KCNN3: variants seen among roughly 807,000 people sequenced by gnomAD.
KCNN3 encodes the protein small conductance calcium-activated potassium channel protein 3.
KCNN3 carries 16 observed loss-of-function variants against 62.9 expected under a neutral mutation model. The ratio of observed to expected loss-of-function variants is 0.25; its 90% confidence interval spans 0.17 to 0.39. The LOEUF is 0.39. Among genes scored for constraint, KCNN3 ranks in the 10% least tolerant of loss-of-function variants. KCNN3 has a pLI of 1.00. For missense variants in KCNN3, 599 were observed against 949.4 expected, an observed-to-expected ratio of 0.63 and a Z score of 4.85; for synonymous variants, 370 against 389.2, an observed-to-expected ratio of 0.95 and a Z score of 0.58.
At position 154,869,237 on chromosome 1, in the gene KCNN3, T is replaced by G; in HGVS notation, c.728A>C (p.His243Pro). Residue 243 changes from histidine (H) to proline (P), a missense_variant, in exon 1 of 8, where the codon CAC becomes CCC. By Grantham distance (77) the His-to-Pro change is moderately conservative. Around this residue, in one of 7 missense-constraint regions of KCNN3, gnomAD observed 80 missense variants for 85.4 expected, o/e 0.94. Transcript: ENST00000271915. The surrounding 1 kb of genome is among the most constrained non-coding windows in gnomAD (Gnocchi z 6.1). ...LLHHPNATHN[H>P]QHAGTTASST... The stretch of plus-strand genomic sequence containing the variant: ...GCTGGCGGTGGTGCCGGCATGCTGG[T>G]GGTTGTGGGTGGCATTAGGGTGATG... 1 of 1,611,864 alleles carries G rather than the reference T, an allele frequency of 6.2e-7. No individual in the cohort carries two copies. The highest frequency in any genetic ancestry group is 8.5e-7 in the Non-Finnish European group (1 of 1,179,162).
chr1:154,845,512 CG>C (rs900824428), intron 1 of KCNN3, among the ~76,000 whole-genome samples: 9 of 152,178 alleles, frequency 5.9e-5, no homozygotes, highest in African/African-American at 2.2e-4. Flanking sequence ...TTTCTCACTG[CG>C]GGGGCCCCAC....
At chr1:154,762,894 T>C (rs985078792) in intron 3 of KCNN3, among the ~76,000 whole-genome samples, 2 of 152,218 alleles carry the variant, frequency 1.3e-5, no homozygotes, top group African/African-American at 2.4e-5. Flanking sequence ...TCCATTACCA[T>C]TTATTGAATA....
rs563462413 is a variant in KCNN3 at position 154,777,649 on chromosome 1, G to A, written c.1030-5256C>T. On this transcript the variant is annotated intron_variant, in intron 2 of 7. Coordinates refer to ENST00000271915, the MANE Select transcript of KCNN3 (RefSeq NM_002249.6). ...GAGTAGCACTGGACCAGAGGGGCTC[G>A]GGGAGTGTGTATGTGGCTCCACAAA... Among the ~76,000 whole-genome samples the A allele has an allele frequency of 4.3e-4, 66 of 152,274 alleles. 1 individual carries two copies. In the South Asian group the frequency reaches 0.013, roughly 30 times the overall value.
intron 2 of KCNN3, among the ~76,000 whole-genome samples, chr1:154,818,437 G>A (rs550569865): frequency 6.6e-5 from 10 of 152,338 alleles, no homozygotes; most frequent in Admixed American, 6.5e-5. Flanking sequence ...TGGGGTTCCT[G>A]CACTAGGTGG....
intron 1 of KCNN3, among the ~76,000 whole-genome samples, chr1:154,860,673 G>A (rs1652734868): frequency 6.6e-6 from 1 of 152,210 alleles, no homozygotes; most frequent in Admixed American, 6.5e-5. Context: ...ATGAGAAAAG[G>A]GGCATGTTCC....
intron 5 of KCNN3, among the ~76,000 whole-genome samples, chr1:154,721,083 T>A (rs1700336441): frequency 6.6e-6 from 1 of 152,128 alleles, no homozygotes; most frequent in Non-Finnish European, 1.5e-5. Flanking sequence ...ATTCATTGAA[T>A]TCATGGGGAA....
chr1:154,787,523 G>C (rs1649334897), intron 2 of KCNN3, among the ~76,000 whole-genome samples: 2 of 152,220 alleles, frequency 1.3e-5, no homozygotes, highest in African/African-American at 2.4e-5. Context: ...TGCTAGAGAT[G>C]CGCAGAAGCA....
At chr1:154,712,906 T>C (rs2101761079) in intron 7 of KCNN3, among the ~76,000 whole-genome samples, 1 of 152,300 alleles carries the variant, frequency 6.6e-6, no homozygotes, top group East Asian at 1.9e-4. Flanking sequence ...GGCTCTCTTT[T>C]TGGGTATCTT....
At position 154,859,539 on chromosome 1, in the gene KCNN3, AC is replaced by A. The variant is rs548607793; in HGVS notation, c.933+9492del. On this transcript the variant is annotated intron_variant, in intron 1 of 7. Transcript: ENST00000271915. ...AAGGAAAACCAACGGTGGCAGATGG[AC>A]CAGAATGAGCAAGGGCAGCCTCTCC... is the stretch of plus-strand genomic sequence containing the variant. Among the ~76,000 whole-genome samples, 44 of 152,332 alleles carry A rather than the reference AC, an allele frequency of 2.9e-4. 2 individuals carry two copies. In the East Asian group the frequency reaches 5.2e-3, roughly 18 times the overall value.
In KCNN3 at chr1:154,862,681, ATC is replaced by A. The variant is rs1424588779; in HGVS notation, c.933+6349_933+6350del. Among the ~76,000 whole-genome samples, 8 of 151,832 alleles carry A rather than the reference ATC, an allele frequency of 5.3e-5. No homozygotes were observed. Among genetic ancestry groups the A allele is most frequent in the Non-Finnish European group, 1.2e-4 (8 of 67,922 alleles). On this transcript the variant is annotated intron_variant, in intron 1 of 7. Coordinates refer to ENST00000271915, the MANE Select transcript of KCNN3 (RefSeq NM_002249.6). This position sits in a 1 kb window ranked among gnomAD's most constrained non-coding sequence, Gnocchi z 4.1. ...AGAACTGACCTTGGGCCAGTCCACA[ATC>A]TCACCCTGATCCCAGGCCAACCTGG...
chr1:154,721,417 A>G (rs556340467), intron 5 of KCNN3, among the ~76,000 whole-genome samples: 1 of 150,188 alleles, frequency 6.7e-6, no homozygotes, highest in East Asian at 2.0e-4. Context: ...CTCCTGCCTC[A>G]GCCTCCCGAG....
chr1:154,766,416 T>TTATATATATATA (rs373253800), intron 3 of KCNN3, among the ~76,000 whole-genome samples: 851 of 71,768 alleles, frequency 0.012, 79 homozygotes, highest in Middle Eastern at 0.024. Flanking sequence ...TAGCCAGGCT[T>TTATATATATATA]TATATATATA....
intron 1 of KCNN3, among the ~76,000 whole-genome samples, chr1:154,845,797 G>A (rs909679898): frequency 4.6e-5 from 7 of 152,134 alleles, no homozygotes; most frequent in African/African-American, 1.7e-4. Flanking sequence ...TTCTGCATGG[G>A]CCCCTTCCAC....
At chr1:154,710,470 A>C (rs1460685372) in intron 7 of KCNN3, among the ~76,000 whole-genome samples, 1 of 150,910 alleles carries the variant, frequency 6.6e-6, no homozygotes, top group African/African-American at 2.4e-5. Flanking sequence ...TTTTTCCCTT[A>C]ACCCTTTCCT....
chr1:154,820,830 CA>C lies in KCNN3; in HGVS notation c.1029+1258del, dbSNP rs538891813. ...GTATCCTCTAGTCATTGACAGAATG[CA>C]GCCCTGCCAAGGTGGCCTGGAGCCA... On this transcript the variant is annotated intron_variant, in intron 2 of 7. Coordinates refer to ENST00000271915, the MANE Select transcript of KCNN3 (RefSeq NM_002249.6). Among the ~76,000 whole-genome samples, 39 of 152,366 alleles carry C rather than the reference CA, an allele frequency of 2.6e-4. No homozygotes were observed. The East Asian group carries it at 5.2e-3, about 20-fold the overall frequency.
intron 2 of KCNN3, among the ~76,000 whole-genome samples, chr1:154,776,234 G>A (rs902093690): frequency 6.6e-6 from 1 of 152,156 alleles, no homozygotes; most frequent in Non-Finnish European, 1.5e-5. Context: ...TGACTTCTCC[G>A]AGCTTGTTTC....
At chr1:154,732,902 C>A (rs555775181) in intron 4 of KCNN3, 101 bp downstream of exon 4, 2 of 1,342,244 alleles carry the variant, frequency 1.5e-6, no homozygotes, top group African/African-American at 1.4e-5. Flanking sequence ...TAACAGCCAC[C>A]CCCCGCTCTG....
At chr1:154,832,475 C>T (rs1651413449) in intron 1 of KCNN3, among the ~76,000 whole-genome samples, 2 of 152,034 alleles carry the variant, frequency 1.3e-5, no homozygotes, top group South Asian at 4.2e-4. Context: ...CCTTTATTCA[C>T]CCTCCTAGCG....
chr1:154,756,194 GGGA>G (rs35220227), intron 3 of KCNN3, among the ~76,000 whole-genome samples: 5 of 117,908 alleles, frequency 4.2e-5, no homozygotes, highest in African/African-American at 1.7e-4. Flanking sequence ...GGATGGGGAG[GGGA>G]GGAGGAGGGG....
Sources: allele counts gnomAD v4.1 joint callset (sites outside exome capture counted in the v4.1 genomes callset), GRCh38; gene constraint gnomAD v4.1.1; regional missense constraint gnomAD v4.1.1; non-coding constraint Gnocchi (gnomAD v3.1); transcripts MANE v1.5; gene names NCBI Gene and HGNC (gene_info 2026-07-23, HGNC 2026-07-21).